The following RPS6KA2 variants were observed in gnomAD, a reference collection of about 807,000 sequenced individuals.
RPS6KA2 encodes ribosomal protein S6 kinase alpha-2.
Under a neutral mutation model 91.8 loss-of-function variants are expected in RPS6KA2, and 42 were observed. That is an observed-to-expected ratio of 0.46 (90% confidence interval 0.36 to 0.59). The LOEUF is 0.59. RPS6KA2 is among the 20% of genes least tolerant of loss of function. The probability of loss-of-function intolerance (pLI) is 0.00; values close to 1 mark genes in which losing one functional copy is unlikely to be tolerated. For missense variants in RPS6KA2, 798 were observed against 978.5 expected (o/e 0.82, Z 2.46); for synonymous variants, 414 against 393.6 (o/e 1.05, Z -0.61).
chr6:166,642,059 C>T (rs1190740982), intron 2 of RPS6KA2, among the ~76,000 whole-genome samples: 1 of 151,678 alleles, frequency 6.6e-6, no homozygotes, highest in Non-Finnish European at 1.5e-5. Flanking sequence ...CCCCAAAATC[C>T]CCAGGAGGAT....
At chr6:166,560,795 C>G (rs1361461195) in intron 1 of RPS6KA2, among the ~76,000 whole-genome samples, 1 of 152,170 alleles carries the variant, frequency 6.6e-6, no homozygotes, top group East Asian at 1.9e-4. Context: ...ACCCCTCTTA[C>G]AACACTCTTG....
Position 166,635,003 on chromosome 6 carries a change from C to T in RPS6KA2, c.124-96219G>A, listed in dbSNP as rs919171366. 9.9e-5 allele frequency among the ~76,000 whole-genome samples: 15 copies of T among 152,232 alleles called. No homozygotes were observed. The highest frequency in any genetic ancestry group is 9.1e-4 in the Admixed American group (14 of 15,302). Reference sequence around the variant, plus strand: ...AAAAACTAATATTCAAGAACTAGAACAATTTTTTAAAATATGAGGAAAATG... The same window carrying T: ...AAAAACTAATATTCAAGAACTAGAATAATTTTTTAAAATATGAGGAAAATG... On this transcript the variant is annotated intron_variant, in intron 2 of 21. Coordinates refer to the RPS6KA2 transcript ENST00000503859. This position sits in a 1 kb window ranked among gnomAD's most constrained non-coding sequence, Gnocchi z 4.8.
intron 2 of RPS6KA2, among the ~76,000 whole-genome samples, chr6:166,717,348 GAA>G (rs1002183958): frequency 1.3e-5 from 2 of 152,210 alleles, no homozygotes; most frequent in African/African-American, 4.8e-5. Flanking sequence ...GTAGGAGATG[GAA>G]GAGAACAGGA....
intron 5 of RPS6KA2, among the ~76,000 whole-genome samples, chr6:166,505,834 TCAGTGGACTGACTGACAG>T (rs1782198827): frequency 1.3e-5 from 2 of 152,328 alleles, no homozygotes; most frequent in South Asian, 4.1e-4. Context: ...GTTAAGGTGC[TCAGTGGACTGACTGACAG>T]CACGTTCTGC....
intron 2 of RPS6KA2, chr6:166,701,249 G>A: frequency 1.8e-5 from 29 of 1,612,148 alleles, no homozygotes; most frequent in Non-Finnish European, 2.3e-5. Context: ...TTCTCATCAG[G>A]TGTCTGGTCA....
At chr6:166,716,370 G>A (rs1379764800) in intron 2 of RPS6KA2, among the ~76,000 whole-genome samples, 1 of 152,158 alleles carries the variant, frequency 6.6e-6, no homozygotes, top group African/African-American at 2.4e-5. Flanking sequence ...TCGAGTTGCC[G>A]GAGCCTGTCC....
intron 2 of RPS6KA2, among the ~76,000 whole-genome samples, chr6:166,674,618 T>G (rs1043732217): frequency 6.6e-6 from 1 of 152,208 alleles, no homozygotes; most frequent in Non-Finnish European, 1.5e-5. Flanking sequence ...AACTCTTACT[T>G]CAAAGATATG....
At position 166,627,045 on chromosome 6, in the gene RPS6KA2, C is replaced by G. The variant is rs1369036961; in HGVS notation, c.-26G>C. ...CGCCCCGCGCCCAGCCCGGAGCAGC[C>G]GCAGGGCCGGGGGACGCGCATCCCC... On this transcript the variant is annotated 5_prime_UTR_variant, in exon 1 of 21. Transcript: ENST00000265678. 1 of 1,407,672 alleles carries G rather than the reference C, an allele frequency of 7.1e-7. No individual in the cohort carries two copies. 87.2% of individuals were successfully genotyped at this position (1,407,672 alleles called of 1,614,324 possible).
chr6:166,482,350 G>T (rs1196198265), intron 10 of RPS6KA2, among the ~76,000 whole-genome samples: 1 of 152,096 alleles, frequency 6.6e-6, no homozygotes, highest in Non-Finnish European at 1.5e-5. Context: ...CAGCTATCGG[G>T]GCCCAAGAGC....
chr6:166,591,337 G>A (rs576681511), intron 1 of RPS6KA2, among the ~76,000 whole-genome samples: 16 of 152,300 alleles, frequency 1.1e-4, no homozygotes, highest in Middle Eastern at 3.4e-3. Flanking sequence ...GGCTGCTTCC[G>A]TCCAAATGGC....
At chr6:166,743,326 C>T (rs1562412164) in intron 2 of RPS6KA2, among the ~76,000 whole-genome samples, 1 of 152,260 alleles carries the variant, frequency 6.6e-6, no homozygotes, top group East Asian at 1.9e-4. Context: ...GCCATTCCCC[C>T]AGGAAGGGCT....
At chr6:166,752,043 C>T (rs935274267) in intron 2 of RPS6KA2, among the ~76,000 whole-genome samples, 11 of 152,208 alleles carry the variant, frequency 7.2e-5, no homozygotes, top group African/African-American at 2.7e-4. Context: ...GTACCTGAGA[C>T]CTCAAAGGCG....
At chr6:166,717,923 A>C (rs1376823452) in intron 2 of RPS6KA2, among the ~76,000 whole-genome samples, 1 of 151,322 alleles carries the variant, frequency 6.6e-6, no homozygotes, top group Non-Finnish European at 1.5e-5. Flanking sequence ...GATCTCAGCT[A>C]ACTGTAACCT....
chr6:166,544,644 T>C (rs891597237), intron 1 of RPS6KA2: 1 of 152,232 alleles, frequency 6.6e-6, no homozygotes, highest in Non-Finnish European at 1.5e-5. Flanking sequence ...CCAGGACCCA[T>C]GCTCCTGGCA....
intron 2 of RPS6KA2, among the ~76,000 whole-genome samples, chr6:166,686,904 G>A (rs901343218): frequency 1.3e-5 from 2 of 152,212 alleles, no homozygotes; most frequent in African/African-American, 2.4e-5. Flanking sequence ...TTCACCCGAG[G>A]TTTGAAGGAG....
chr6:166,427,253 C>G (rs78028832), intron 16 of RPS6KA2, among the ~76,000 whole-genome samples: 27 of 138,564 alleles, frequency 1.9e-4, no homozygotes, highest in South Asian at 1.6e-3. Context: ...ATTCAACAAC[C>G]CTTCATGCTA....
intron 13 of RPS6KA2, among the ~76,000 whole-genome samples, chr6:166,449,839 GGACAACCACGA>G (rs1779805716): frequency 2.0e-5 from 3 of 148,300 alleles, no homozygotes. Flanking sequence ...GACCACCACG[GGACAACCACGA>G]GGACCACCAT....
chr6:166,722,665 C>A (rs1790212553), intron 2 of RPS6KA2, among the ~76,000 whole-genome samples: 1 of 152,216 alleles, frequency 6.6e-6, no homozygotes, highest in Non-Finnish European at 1.5e-5. Context: ...TGGGGCTGCC[C>A]GAGCTTGTTG....
chr6:166,745,565 T>TGG (rs1342135504), intron 2 of RPS6KA2, among the ~76,000 whole-genome samples: 1 of 152,222 alleles, frequency 6.6e-6, no homozygotes, highest in Non-Finnish European at 1.5e-5. Flanking sequence ...AGTCCCATTC[T>TGG]GGGGTCCTGG....
Sources: gnomAD v4.1 joint callset for allele counts (sites outside exome capture counted in the v4.1 genomes callset) on GRCh38, gnomAD v4.1.1 for gene constraint, Gnocchi (gnomAD v3.1) non-coding constraint, MANE v1.5 for transcripts, NCBI Gene and HGNC (gene_info 2026-07-23, HGNC 2026-07-21) for gene names.